The following ST3GAL5 variants were observed in gnomAD, a reference collection of about 807,000 sequenced individuals.
The protein encoded by ST3GAL5 is ST3 beta-galactoside alpha-2,3-sialyltransferase 5.
Under a neutral mutation model 46.1 loss-of-function variants are expected in ST3GAL5, and 25 were observed. That is an observed-to-expected ratio of 0.54 (90% confidence interval 0.40 to 0.76). The LOEUF (loss-of-function observed/expected upper bound fraction) is 0.76. Among genes scored for constraint, ST3GAL5 ranks in the 30% least tolerant of loss-of-function variants. The pLI is 0.00. For synonymous variants in ST3GAL5, 182 were observed against 192.7 expected (o/e 0.94, Z 0.46); for missense variants, 431 against 521.2 (o/e 0.83, Z 1.69).
intron 3 of ST3GAL5, chr2:85,851,077 C>T (rs956160880): frequency 5.2e-5 from 10 of 192,664 alleles, no homozygotes; most frequent in African/African-American, 1.9e-4. Context: ...CTGACACACC[C>T]GGCTACTTTT....
chr2:85,848,100 T>G lies in ST3GAL5; in HGVS notation c.423A>C (p.Leu141Phe). The change falls in exon 4 of 7, where the codon TTA (leucine) becomes TTC (phenylalanine). Residue 141 changes from leucine to phenylalanine, a missense_variant. Coordinates refer to ENST00000638572, the MANE Select transcript of ST3GAL5 (RefSeq NM_003896.4). Reference protein sequence around the residue: ...LLFEHRYSVDLLPFVQKAPKD... With the variant: ...LLFEHRYSVDFLPFVQKAPKD... ...TGGGGGCCTTCTGCACAAAAGGGAG[T>G]AAGTCCACGCTATACCTGTGCTCAA... 1 of 1,614,012 alleles carries G rather than the reference T, an allele frequency of 6.2e-7. No homozygotes were observed. Among genetic ancestry groups the G allele is most frequent in the Non-Finnish European group, 8.5e-7 (1 of 1,180,010 alleles).
intron 2 of ST3GAL5, among the ~76,000 whole-genome samples, chr2:85,861,532 C>CT (rs1476335497): frequency 1.3e-5 from 2 of 150,810 alleles, no homozygotes; most frequent in Non-Finnish European, 2.9e-5. Flanking sequence ...TGCAAGAGCA[C>CT]TGTAACAAAA....
intron 3 of ST3GAL5, among the ~76,000 whole-genome samples, chr2:85,852,641 C>T (rs1157570990): frequency 6.6e-6 from 1 of 151,976 alleles, no homozygotes; most frequent in South Asian, 2.1e-4. Context: ...TGTGCTAAAG[C>T]GGGATTGTGG....
In ST3GAL5 at chr2:85,837,470, TACAA is replaced by T. The variant is rs1681606427; in HGVS notation, c.*2670_*2673del. ...AAATGAAGAGAGGTTGATTAATGGGTACAAACATACAGTTTGATAAAAGAAACAA... is the reference window on the plus strand; with the variant it reads ...AAATGAAGAGAGGTTGATTAATGGGTACATACAGTTTGATAAAAGAAACAA... On this transcript the variant is annotated 3_prime_UTR_variant, in exon 7 of 7. Coordinates refer to ENST00000638572, the MANE Select transcript of ST3GAL5 (RefSeq NM_003896.4). The T allele has an allele frequency of 6.6e-6, 1 of 152,198 alleles. No individual in the cohort carries two copies. The highest frequency in any genetic ancestry group is 1.5e-5 in the Non-Finnish European group (1 of 68,020). The allele number at this position is 152,198 out of a possible 1,614,324, so 9.4% of individuals were successfully genotyped here.
chr2:85,847,781 G>C, intron 4 of ST3GAL5, 80 bp downstream of exon 4: 2 of 1,525,760 alleles, frequency 1.3e-6, no homozygotes, highest in Non-Finnish European at 1.8e-6. Context: ...GACAACAGGA[G>C]TGAGACCCTG....
chr2:85,838,414 G>T lies in ST3GAL5; in HGVS notation c.*1730C>A, dbSNP rs1681655471. On this transcript the variant is annotated 3_prime_UTR_variant, in exon 7 of 7. Coordinates refer to ENST00000638572, the MANE Select transcript of ST3GAL5 (RefSeq NM_003896.4). ...CTGAGGGATGTAGGGGTGGAGCTGT[G>T]TGGTGTAAGCCCAGCACCACCTGAG... The T allele has an allele frequency of 6.6e-6, 1 of 152,218 alleles. No individual in the cohort carries two copies. The highest frequency in any genetic ancestry group is 1.5e-5 in the Non-Finnish European group (1 of 68,050). The allele number at this position is 152,218 out of a possible 1,614,324, so 9.4% of individuals were successfully genotyped here.
At chr2:85,847,638 AAT>A in intron 4 of ST3GAL5, 1 of 1,302,540 alleles carries the variant, frequency 7.7e-7, no homozygotes, top group Non-Finnish European at 9.8e-7. Context: ...CTCTACTAAA[AAT>A]ATAAAAAATT....
At chr2:85,848,383 T>C (rs750151947) in intron 3 of ST3GAL5, 179 bp from the exon 4 acceptor site, 2 of 1,547,372 alleles carry the variant, frequency 1.3e-6, no homozygotes, top group Non-Finnish European at 1.7e-6. Flanking sequence ...AGAAACAACC[T>C]GGGAGAATCA....
chr2:85,847,278 T>C (rs1038688526), intron 4 of ST3GAL5: 4 of 763,214 alleles, frequency 5.2e-6, no homozygotes, highest in Non-Finnish European at 6.4e-6. Context: ...TCTCTTGCTG[T>C]GTCCTCTTCT....
chr2:85,864,098 T>C (rs1217640873), intron 1 of ST3GAL5, among the ~76,000 whole-genome samples: 1 of 152,172 alleles, frequency 6.6e-6, no homozygotes, highest in Non-Finnish European at 1.5e-5. Context: ...GATAGGTAGA[T>C]ATGGCTATAA....
intron 1 of ST3GAL5, among the ~76,000 whole-genome samples, chr2:85,875,983 A>C (rs902131866): frequency 6.6e-6 from 1 of 152,178 alleles, no homozygotes; most frequent in African/African-American, 2.4e-5. Flanking sequence ...AGGTTGCCCT[A>C]AACTAGGTTT....
intron 3 of ST3GAL5, among the ~76,000 whole-genome samples, chr2:85,856,861 A>G (rs2104019914): frequency 6.6e-6 from 1 of 151,338 alleles, no homozygotes; most frequent in South Asian, 2.1e-4. Flanking sequence ...AGGAGCCACC[A>G]TGCCTGGCTG....
At chr2:85,865,146 G>A (rs1685155586) in intron 1 of ST3GAL5, among the ~76,000 whole-genome samples, 1 of 152,140 alleles carries the variant, frequency 6.6e-6, no homozygotes, top group Non-Finnish European at 1.5e-5. Flanking sequence ...TTAAGGAATG[G>A]TTAATTAAAG....
chr2:85,880,796 C>G (rs1406256752), intron 1 of ST3GAL5: 1 of 482,538 alleles, frequency 2.1e-6, no homozygotes, highest in Non-Finnish European at 4.1e-6. Flanking sequence ...TGCACTCCAG[C>G]CTGGGTGACA....
At chr2:85,858,049 C>T (rs1286220628) in intron 3 of ST3GAL5, 1 of 152,202 alleles carries the variant, frequency 6.6e-6, no homozygotes, top group African/African-American at 2.4e-5. Context: ...TTCAGAGGAG[C>T]TTGGAAGTAG....
chr2:85,874,837 G>A (rs552107316), intron 1 of ST3GAL5, among the ~76,000 whole-genome samples: 43 of 150,956 alleles, frequency 2.8e-4, no homozygotes, highest in African/African-American at 8.3e-4. Flanking sequence ...AATTCACCAC[G>A]GTCCTAACAA....
intron 2 of ST3GAL5, among the ~76,000 whole-genome samples, chr2:85,863,088 G>A (rs538906484): frequency 6.6e-6 from 1 of 152,160 alleles, no homozygotes; most frequent in African/African-American, 2.4e-5. Flanking sequence ...AGCAGTGCAC[G>A]GTGAGAGCTG....
intron 1 of ST3GAL5, among the ~76,000 whole-genome samples, chr2:85,864,945 G>A (rs972703409): frequency 5.3e-5 from 8 of 152,192 alleles, no homozygotes; most frequent in Non-Finnish European, 7.3e-5. Context: ...GGCTTCTCCT[G>A]TATCCCCTCT....
At chr2:85,885,723 G>A (rs1000694268) in intron 1 of ST3GAL5, among the ~76,000 whole-genome samples, 2 of 151,912 alleles carry the variant, frequency 1.3e-5, no homozygotes, top group Admixed American at 1.3e-4. Context: ...AGCTACTCGG[G>A]AAGCTGAGGC....
Sources: gnomAD v4.1 joint callset for allele counts (sites outside exome capture counted in the v4.1 genomes callset) on GRCh38, gnomAD v4.1.1 for gene constraint, MANE v1.5 for transcripts, NCBI Gene and HGNC (gene_info 2026-07-23, HGNC 2026-07-21) for gene names.